TENM2: variants seen among roughly 807,000 people sequenced by gnomAD.
TENM2 encodes teneurin transmembrane protein 2.
Under a neutral mutation model 245.2 loss-of-function variants are expected in TENM2, and 52 were observed. The observed-to-expected ratio is 0.21, with a 90% CI of 0.17 to 0.27. The LOEUF (loss-of-function observed/expected upper bound fraction) is 0.27. TENM2 is among the 10% of genes least tolerant of loss of function. The pLI is 1.00. For missense variants in TENM2, 3,046 were observed against 3,666.8 expected (o/e 0.83, Z 4.37); for synonymous variants, 1,363 against 1,438.9 (o/e 0.95, Z 1.19).
the TENM2 span, among the ~76,000 whole-genome samples, chr5:167,205,539 T>C: frequency 6.6e-6 from 1 of 152,222 alleles, no homozygotes; most frequent in African/African-American, 2.4e-5. Context: ...ATTTGAAATA[T>C]TGAACTGCAA....
the TENM2 span, among the ~76,000 whole-genome samples, chr5:167,184,185 A>G: frequency 6.6e-6 from 1 of 152,250 alleles, no homozygotes; most frequent in Non-Finnish European, 1.5e-5. Flanking sequence ...TTAGCTCGGA[A>G]TATATTTTTG....
In TENM2 at chr5:168,203,836, C is replaced by A. The variant is rs768074049; in HGVS notation, c.3574+4C>A. 4 of 1,600,200 alleles carry A rather than the reference C, an allele frequency of 2.5e-6. No homozygotes were observed. Among genetic ancestry groups the A allele is most frequent in the East Asian group, 2.2e-5 (1 of 44,640 alleles). ...CACATCCTCAATGTTAAAAGTGGTACGTGAACACATCTTCTTTCCCAAATA... is the reference window on the plus strand; with the variant it reads ...CACATCCTCAATGTTAAAAGTGGTAAGTGAACACATCTTCTTTCCCAAATA... On this transcript the variant is annotated splice_donor_region_variant and intron_variant, in intron 18 of 28. Transcript: ENST00000518659.
chr5:168,074,672 ACTCCACCAC>A (rs1791309905), intron 7 of TENM2, among the ~76,000 whole-genome samples: 1 of 151,544 alleles, frequency 6.6e-6, no homozygotes, highest in African/African-American at 2.4e-5. Context: ...CACTCCCTGG[ACTCCACCAC>A]ATCAGCTCAC....
chr5:167,252,111 T>C, the TENM2 span, among the ~76,000 whole-genome samples: 1 of 152,094 alleles, frequency 6.6e-6, no homozygotes, highest in Non-Finnish European at 1.5e-5. Context: ...AAGTAAGAGT[T>C]CATAAGATTA....
intron 15 of TENM2, 35 bp downstream of exon 17, chr5:168,195,330 A>G: frequency 6.4e-7 from 1 of 1,556,856 alleles, no homozygotes; most frequent in East Asian, 2.4e-5. Context: ...CCTACTCAGG[A>G]CCACACGTGT....
the TENM2 span, among the ~76,000 whole-genome samples, chr5:167,250,154 C>A: frequency 3.9e-5 from 6 of 151,982 alleles, no homozygotes; most frequent in African/African-American, 1.5e-4. Flanking sequence ...GTTTTGAAGA[C>A]TTGGTAGGAA....
chr5:167,894,992 G>GGAAGGAAGGAAGGAA (rs1561906941), intron 3 of TENM2, among the ~76,000 whole-genome samples: 5 of 56,822 alleles, frequency 8.8e-5, no homozygotes, highest in Non-Finnish European at 2.1e-4. Flanking sequence ...GAAGGAAGGA[G>GGAAGGAAGGAAGGAA]GGAAGGAAGG....
At chr5:167,521,882 TTC>T (rs1317088319) in intron 2 of TENM2, among the ~76,000 whole-genome samples, 1 of 152,130 alleles carries the variant, frequency 6.6e-6, no homozygotes, top group Non-Finnish European at 1.5e-5. Context: ...AATTAAAAGA[TTC>T]TCTCTCTATC....
intron 1 of TENM2, among the ~76,000 whole-genome samples, chr5:167,368,675 G>A (rs1160506113): frequency 2.0e-5 from 3 of 152,108 alleles, no homozygotes; most frequent in African/African-American, 7.2e-5. Flanking sequence ...TGACAGCCAG[G>A]TGGATGTAAA....
chr5:167,385,113 G>A (rs1036113747), intron 2 of TENM2, among the ~76,000 whole-genome samples: 2 of 152,070 alleles, frequency 1.3e-5, no homozygotes, highest in Non-Finnish European at 2.9e-5. Flanking sequence ...ATATTGCTTT[G>A]CACAAGGAAA....
rs533217633 is a variant in TENM2, at chr5:167,902,793, T to A, written c.712+26598T>A. On this transcript the variant is annotated intron_variant, in intron 3 of 28. Transcript: ENST00000518659. ...GATCGTGTGTGACAGTTTGCTTTTG[T>A]ACTCCCCCACTTTATATAAAAGGAG... 3.3e-5 allele frequency among the ~76,000 whole-genome samples: 5 copies of A among 152,352 alleles called. No individual in the cohort carries two copies. The South Asian group carries it at 6.2e-4, about 19-fold the overall frequency.
chr5:167,309,846 A>T (rs1438343264), intron 1 of TENM2: 2 of 152,176 alleles, frequency 1.3e-5, no homozygotes, highest in Non-Finnish European at 2.9e-5. Context: ...ATGGGAGGAG[A>T]AGCCAAGGCT....
intron 12 of TENM2, among the ~76,000 whole-genome samples, chr5:168,131,950 C>T (rs1391438012): frequency 4.6e-5 from 7 of 152,038 alleles, no homozygotes; most frequent in South Asian, 2.1e-4. Flanking sequence ...AAACCTAAAG[C>T]GATGGCCTTT....
chr5:167,059,601 T>C, the TENM2 span, among the ~76,000 whole-genome samples: 66,702 of 151,812 alleles, frequency 0.44, 15,323 homozygotes, highest in African/African-American at 0.54. Context: ...ACCAGCAACA[T>C]CTGGGAGTTG....
At chr5:167,420,639 G>A (rs1763449723) in intron 2 of TENM2, among the ~76,000 whole-genome samples, 1 of 152,128 alleles carries the variant, frequency 6.6e-6, no homozygotes, top group Non-Finnish European at 1.5e-5. Flanking sequence ...AAGTTCAGAT[G>A]TCACCTTCTC....
the TENM2 span, among the ~76,000 whole-genome samples, chr5:167,223,822 C>A: frequency 7.0e-6 from 1 of 142,886 alleles, no homozygotes; most frequent in Non-Finnish European, 1.5e-5. Flanking sequence ...GTATATGTTC[C>A]CTTTTCCCCA....
chr5:167,301,757 T>C (rs1333596640), intron 1 of TENM2, among the ~76,000 whole-genome samples: 1 of 152,036 alleles, frequency 6.6e-6, no homozygotes, highest in Non-Finnish European at 1.5e-5. Context: ...GCTATCTGAT[T>C]TGGGATAAGG....
chr5:167,932,739 G>A (rs1231738398), intron 3 of TENM2, among the ~76,000 whole-genome samples: 1 of 152,066 alleles, frequency 6.6e-6, no homozygotes, highest in African/African-American at 2.4e-5. Context: ...CATTTTGTGA[G>A]CTGCACGCAG....
chr5:168,189,941 C>T (rs1203065467), intron 13 of TENM2, among the ~76,000 whole-genome samples: 1 of 152,018 alleles, frequency 6.6e-6, no homozygotes, highest in Admixed American at 6.6e-5. Flanking sequence ...CTTGTGCACC[C>T]ATTAGCACGG....
Sources: allele counts gnomAD v4.1 joint callset (sites outside exome capture counted in the v4.1 genomes callset), GRCh38; gene constraint gnomAD v4.1.1; transcripts MANE v1.5; gene names NCBI Gene and HGNC (gene_info 2026-07-23, HGNC 2026-07-21).